Variants in TEX14 observed in about 807,000 individuals in gnomAD.
TEX14 encodes the protein inactive serine/threonine-protein kinase TEX14.
Under a neutral mutation model 178.6 loss-of-function variants are expected in TEX14, and 168 were observed. That is an observed-to-expected ratio of 0.94 (90% CI 0.83 to 1.07). The LOEUF (loss-of-function observed/expected upper bound fraction) is 1.07. Among genes scored for constraint, TEX14 ranks in the 50% least tolerant of loss-of-function variants. The pLI is 0.00. For missense variants in TEX14, 1,730 were observed against 1,753.6 expected, an observed-to-expected ratio of 0.99 and a Z score of 0.24; for synonymous variants, 626 against 634.1, an observed-to-expected ratio of 0.99 and a Z score of 0.19.
At chr17:58,670,716 T>C (rs1014637245) in intron 1 of TEX14, among the ~76,000 whole-genome samples, 1 of 126,370 alleles carries the variant, frequency 7.9e-6, no homozygotes, top group African/African-American at 3.1e-5. Flanking sequence ...GAGGTTGCAG[T>C]GAGTCAAGAT....
intron 15 of TEX14, among the ~76,000 whole-genome samples, chr17:58,590,825 G>A (rs7210700): frequency 0.18 from 28,041 of 151,836 alleles, 2,729 homozygotes; most frequent in Non-Finnish European, 0.21. Flanking sequence ...AAAGTGCTGG[G>A]ATTACAGGTG....
At chr17:58,598,398 T>C (rs2045344941) in intron 14 of TEX14, among the ~76,000 whole-genome samples, 1 of 151,980 alleles carries the variant, frequency 6.6e-6, no homozygotes, top group South Asian at 2.1e-4. Flanking sequence ...AATGAATGAA[T>C]AGCAGCTTAG....
intron 2 of TEX14, among the ~76,000 whole-genome samples, chr17:58,644,796 G>A (rs528844059): frequency 1.9e-4 from 29 of 148,730 alleles, no homozygotes; most frequent in African/African-American, 7.0e-4. Context: ...GATTATAGGC[G>A]CCCGCCACCA....
rs116724135 is a variant in TEX14 at position 58,598,961 on chromosome 17, T to C, written c.2384A>G (p.Tyr795Cys). 1.3e-4 allele frequency: 214 copies of C among 1,614,136 alleles called. No homozygotes were observed. The highest frequency in any genetic ancestry group is 1.7e-4 in the Non-Finnish European group (204 of 1,179,996). ...TGAAAGCTGTAGGACAGGAGGAATATAGTTTAAAGATGGAGGGCCCACGGC... is the reference window on the plus strand; with the variant it reads ...TGAAAGCTGTAGGACAGGAGGAATACAGTTTAAAGATGGAGGGCCCACGGC... ...PLAVGPPSLN[Y>C]IPPVLQLSGG... The change falls in exon 14 of 32, where the codon TAT becomes TGT. Residue 795 changes from tyrosine to cysteine, a missense_variant. Tyr to Cys is a radical substitution (Grantham distance 194). Transcript: ENST00000349033.
chr17:58,685,757 T>G (rs1348723078), intron 1 of TEX14, among the ~76,000 whole-genome samples: 1 of 151,090 alleles, frequency 6.6e-6, no homozygotes, highest in African/African-American at 2.4e-5. Flanking sequence ...TTTGGGAGGC[T>G]GAGGTGGGTG....
chr17:58,648,971 A>T (rs569127281), intron 2 of TEX14, among the ~76,000 whole-genome samples: 9 of 148,002 alleles, frequency 6.1e-5, no homozygotes, highest in Non-Finnish European at 1.0e-4. Flanking sequence ...TTGTTTTTTT[A>T]GTAGAGACGG....
intron 1 of TEX14, among the ~76,000 whole-genome samples, chr17:58,690,133 AGAGTT>A (rs751000981): frequency 4.2e-4 from 64 of 151,478 alleles, no homozygotes; most frequent in Non-Finnish European, 8.1e-4. Context: ...AGCTATAGAT[AGAGTT>A]GAGTGGGGGT....
At position 58,579,964 on chromosome 17, in the gene TEX14, C is replaced by T. The variant is rs190334931; in HGVS notation, c.3172-233G>A. Among the ~76,000 whole-genome samples, 1,011 of 152,274 alleles carry T rather than the reference C, an allele frequency of 6.6e-3. 10 individuals are homozygous for T. The highest frequency in any genetic ancestry group is 0.023 in the African/African-American group (944 of 41,534). ...ATTGTGAAGAGGAATTATGTGACTC[C>T]GCCTCCTTATATCACTATCCCTATT... On this transcript the variant is annotated intron_variant, in intron 19 of 31. Coordinates refer to ENST00000349033, the MANE Select transcript of TEX14 (RefSeq NM_031272.5).
chr17:58,608,365 C>T (rs1390279054), intron 10 of TEX14, among the ~76,000 whole-genome samples: 2 of 149,936 alleles, frequency 1.3e-5, no homozygotes, highest in Admixed American at 6.7e-5. Flanking sequence ...TGTAGTGAGC[C>T]GAGATCGTGC....
Position 58,611,257 on chromosome 17 carries a change from A to C in TEX14, c.1088T>G (p.Phe363Cys). The C allele has an allele frequency of 6.2e-7, 1 of 1,613,048 alleles. No homozygotes were observed. Among genetic ancestry groups the C allele is most frequent in the Non-Finnish European group, 8.5e-7 (1 of 1,179,062 alleles). The part of the protein sequence containing the change: ...QISDALRYLH[F>C]QGFIHRSLSS... ...GAGGGAGCGGTGGATAAACCCCTGG[A>C]AATGCAGGTATCTCAGGGCATCAGA... Residue 363 changes from phenylalanine to cysteine, a missense_variant, in exon 10 of 32, where the codon TTC (phenylalanine) becomes TGC (cysteine). By Grantham distance (205) the Phe-to-Cys change is radical. Coordinates refer to ENST00000349033, the MANE Select transcript of TEX14 (RefSeq NM_031272.5).
intron 2 of TEX14, among the ~76,000 whole-genome samples, chr17:58,649,719 AAC>A (rs1178029821): frequency 4.6e-5 from 7 of 152,112 alleles, no homozygotes; most frequent in Non-Finnish European, 1.0e-4. Flanking sequence ...CACTGTGAGA[AAC>A]AGAGTTTTAT....
intron 1 of TEX14, among the ~76,000 whole-genome samples, chr17:58,681,384 C>T (rs1361124563): frequency 6.6e-6 from 1 of 152,138 alleles, no homozygotes; most frequent in Non-Finnish European, 1.5e-5. Flanking sequence ...TTCTGTGATG[C>T]AACCAGACAC....
At chr17:58,611,491 A>G in intron 9 of TEX14, 152 bp from the exon 10 acceptor site, 1 of 636,694 alleles carries the variant, frequency 1.6e-6, no homozygotes, top group Non-Finnish European at 2.7e-6. Flanking sequence ...CAGTGAGGCT[A>G]AGTGAATGGC....
Position 58,651,985 on chromosome 17 carries a change from C to T in TEX14, c.17G>A (p.Arg6His), listed in dbSNP as rs1369588626. 3.1e-5 allele frequency: 49 copies of T among 1,592,510 alleles called. No individual in the cohort carries two copies. Among genetic ancestry groups the T allele is most frequent in the Non-Finnish European group, 3.8e-5 (45 of 1,172,358 alleles). The change falls in exon 2 of 32, where the codon CGT becomes CAT. Residue 6 changes from arginine to histidine, a missense_variant. By Grantham distance (29) the Arg-to-His change is conservative (BLOSUM62 0). Transcript: ENST00000349033. Reference sequence around the variant, plus strand: ...TTGAACAGGACAGGGGACTGGAAGACGAACAGCCCGAGACATCCTGTTCCA... The same window carrying T: ...TTGAACAGGACAGGGGACTGGAAGATGAACAGCCCGAGACATCCTGTTCCA... MSRAVRLPVPCPVQLG... is the reference protein window; with the variant it reads MSRAVHLPVPCPVQLG...
intron 15 of TEX14, among the ~76,000 whole-genome samples, chr17:58,589,725 G>C (rs1001779978): frequency 6.6e-6 from 1 of 150,890 alleles, no homozygotes; most frequent in African/African-American, 2.4e-5. Flanking sequence ...TTTGGAGATA[G>C]GGTCTGACTC....
chr17:58,596,279 G>A (rs2045279041), intron 14 of TEX14, among the ~76,000 whole-genome samples: 1 of 151,982 alleles, frequency 6.6e-6, no homozygotes, highest in Non-Finnish European at 1.5e-5. Context: ...TAAATTCTTT[G>A]TGCCTTTTTT....
chr17:58,621,592 T>C, intron 5 of TEX14, 58 bp downstream of exon 5: 3 of 1,523,292 alleles, frequency 2.0e-6, no homozygotes, highest in Non-Finnish European at 1.8e-6. Flanking sequence ...GCTGCAGGGC[T>C]CCCACGAGGA....
chr17:58,601,797 A>T lies in TEX14; in HGVS notation c.1678+9T>A, dbSNP rs764700158. On this transcript the variant is annotated intron_variant, in intron 13 of 31. Transcript: ENST00000349033. ...TCAAACTAACACAACCTGTGAATTA[A>T]GGCCATACCCATTTCCTTTAGTTCT... 6.2e-7 allele frequency: 1 copy of T among 1,609,434 alleles called. No homozygotes were observed. The highest frequency in any genetic ancestry group is 1.1e-5 in the South Asian group (1 of 90,824).
intron 10 of TEX14, among the ~76,000 whole-genome samples, chr17:58,609,027 A>G (rs1460965007): frequency 3.3e-5 from 5 of 152,244 alleles, no homozygotes; most frequent in Admixed American, 3.3e-4. Context: ...TGAGAAAGTG[A>G]GCAGTTCAAC....
Sources: gnomAD v4.1 joint callset for allele counts (sites outside exome capture counted in the v4.1 genomes callset) on GRCh38, gnomAD v4.1.1 for gene constraint, MANE v1.5 for transcripts, NCBI Gene and HGNC (gene_info 2026-07-23, HGNC 2026-07-21) for gene names.